SHC3: variants seen among roughly 807,000 people sequenced by gnomAD.
SHC3 encodes the protein SHC adaptor protein 3.
Under a neutral mutation model 60.4 loss-of-function variants are expected in SHC3, and 15 were observed. The ratio of observed to expected loss-of-function variants is 0.25; its 90% CI spans 0.17 to 0.38. The LOEUF (loss-of-function observed/expected upper bound fraction) is 0.38. Among genes scored for constraint, SHC3 ranks in the 10% least tolerant of loss-of-function variants. SHC3 has a pLI of 1.00. For missense variants in SHC3, 677 were observed against 786.1 expected, an observed-to-expected ratio of 0.86 and a Z score of 1.66; for synonymous variants, 294 against 325.9, an observed-to-expected ratio of 0.90 and a Z score of 1.05.
chr9:89,159,008 T>C (rs1484526049), intron 1 of SHC3, among the ~76,000 whole-genome samples: 2 of 152,148 alleles, frequency 1.3e-5, no homozygotes, highest in African/African-American at 4.8e-5. Context: ...CCATAGCATA[T>C]AGTAGGGGGT....
At position 89,037,988 on chromosome 9, in the gene SHC3, C is replaced by T. The variant is rs753323815; in HGVS notation, c.1656+5G>A. 1 of 1,604,680 alleles carries T rather than the reference C, an allele frequency of 6.2e-7. No homozygotes were observed. The highest frequency in any genetic ancestry group is 8.5e-7 in the Non-Finnish European group (1 of 1,179,358). On this transcript the variant is annotated splice_donor_5th_base_variant and intron_variant, in intron 11 of 11. Coordinates refer to ENST00000375835, the MANE Select transcript of SHC3 (RefSeq NM_016848.6). ...GGTCCGGCCCCACCCCCACTGGGTG[C>T]TCACCGTGCCTTCTGGGTCCACGAG...
rs576666462 is a variant in SHC3 at position 89,127,250 on chromosome 9, G to A, written c.475-14624C>T. Among the ~76,000 whole-genome samples the A allele has an allele frequency of 2.0e-4, 30 of 152,190 alleles. No homozygotes were observed. The South Asian group carries it at 6.0e-3, about 31-fold the overall frequency. On this transcript the variant is annotated intron_variant, in intron 1 of 11. Transcript: ENST00000375835. Reference sequence around the variant, plus strand: ...TCCCCTCCATGATGAACAACTTCTGGCTTCCCTTATTGAATTTTTCCTTTC... The same window carrying A: ...TCCCCTCCATGATGAACAACTTCTGACTTCCCTTATTGAATTTTTCCTTTC...
At position 89,026,739 on chromosome 9, in the gene SHC3, C is replaced by T. The variant is rs539892727; in HGVS notation, c.1656+11254G>A. 5.3e-5 allele frequency among the ~76,000 whole-genome samples: 8 copies of T among 152,342 alleles called. No homozygotes were observed. In the South Asian group the frequency reaches 1.7e-3, roughly 32 times the overall value. On this transcript the variant is annotated intron_variant, in intron 11 of 11. Transcript: ENST00000375835. ...ACCCTGTCCGCCCAGGGCTTACATG[C>T]CCACAAGCAACCCCTTTGCCTGGGC...
chr9:89,018,501 G>A (rs911150342), intron 11 of SHC3, among the ~76,000 whole-genome samples: 9 of 152,098 alleles, frequency 5.9e-5, no homozygotes, highest in Non-Finnish European at 1.5e-5. Context: ...GGGGGTGGGG[G>A]GCTAGGGATA....
At chr9:89,028,601 A>T (rs1824412460) in intron 11 of SHC3, among the ~76,000 whole-genome samples, 1 of 139,744 alleles carries the variant, frequency 7.2e-6, no homozygotes, top group African/African-American at 3.0e-5. Context: ...GTTTATGTGT[A>T]TATATATGCT....
At chr9:89,035,715 G>C (rs1220406283) in intron 11 of SHC3, among the ~76,000 whole-genome samples, 1 of 151,862 alleles carries the variant, frequency 6.6e-6, no homozygotes, top group Non-Finnish European at 1.5e-5. Context: ...CCAGCTCTTT[G>C]AGAGGTTAAG....
rs571015046 is a variant in SHC3 at position 89,096,703 on chromosome 9, A to G, written c.545+15853T>C. ...AGGTTAGCGTAGCGCAGCTGTTTTAACCCCCAGCGGACATTTGGCAAAGTC... is the reference window on the plus strand; with the variant it reads ...AGGTTAGCGTAGCGCAGCTGTTTTAGCCCCCAGCGGACATTTGGCAAAGTC... On this transcript the variant is annotated intron_variant, in intron 2 of 11. Coordinates refer to ENST00000375835, the MANE Select transcript of SHC3 (RefSeq NM_016848.6). 7.9e-5 allele frequency among the ~76,000 whole-genome samples: 12 copies of G among 152,234 alleles called. No homozygotes were observed. The East Asian group carries it at 2.3e-3, about 29-fold the overall frequency.
chr9:89,168,825 A>C (rs1826827433), intron 1 of SHC3, among the ~76,000 whole-genome samples: 1 of 152,182 alleles, frequency 6.6e-6, no homozygotes, highest in Admixed American at 6.5e-5. Context: ...GCCCTTGTCC[A>C]ATCAGTTGAG....
chr9:89,143,142 G>A (rs931879417), intron 1 of SHC3, among the ~76,000 whole-genome samples: 1 of 152,164 alleles, frequency 6.6e-6, no homozygotes, highest in Non-Finnish European at 1.5e-5. Context: ...AGCCCCAAAG[G>A]GTGCTGGTTG....
At chr9:89,094,199 G>T (rs1825667582) in intron 2 of SHC3, among the ~76,000 whole-genome samples, 1 of 152,122 alleles carries the variant, frequency 6.6e-6, no homozygotes, top group Non-Finnish European at 1.5e-5. Flanking sequence ...AAAACACGAG[G>T]CAGCAGGCTT....
intron 2 of SHC3, among the ~76,000 whole-genome samples, chr9:89,105,174 C>G (rs941751781): frequency 1.3e-5 from 2 of 152,162 alleles, no homozygotes; most frequent in Admixed American, 1.3e-4. Flanking sequence ...TGTAATGATG[C>G]CCCTCTGTAC....
intron 11 of SHC3, among the ~76,000 whole-genome samples, chr9:89,015,722 A>G (rs914908930): frequency 2.6e-5 from 4 of 152,234 alleles, no homozygotes; most frequent in African/African-American, 9.6e-5. Context: ...ACCACTGGGC[A>G]GCCAGGACAA....
At position 89,042,121 on chromosome 9, in the gene SHC3, G is replaced by T; in HGVS notation, c.1265C>A (p.Pro422His). Residue 422 changes from proline to histidine, a missense_variant, in exon 10 of 12, where the codon CCC (proline) becomes CAC (histidine). Pro to His is a moderately conservative substitution (Grantham distance 77). Transcript: ENST00000375835. ...GATCTGCTGAGTGTTGACGTAGGTG[G>T]GTGCTTCTCCCGTGGGGGCCACGTG... ...KLHVAPTGEA[P>H]TYVNTQQIPP... The T allele has an allele frequency of 6.3e-7, 1 of 1,581,524 alleles. No homozygotes were observed. The highest frequency in any genetic ancestry group is 8.5e-7 in the Non-Finnish European group (1 of 1,169,682).
intron 10 of SHC3, among the ~76,000 whole-genome samples, chr9:89,041,004 G>A (rs780478196): frequency 7.9e-5 from 12 of 152,118 alleles, no homozygotes; most frequent in East Asian, 1.9e-4. Context: ...AGGATTCTTC[G>A]TTTCCTTCTC....
intron 2 of SHC3, among the ~76,000 whole-genome samples, chr9:89,086,022 A>C (rs1029006417): frequency 1.3e-5 from 2 of 152,234 alleles, no homozygotes; most frequent in African/African-American, 2.4e-5. Flanking sequence ...TAAATGACAC[A>C]TCTATGAATC....
rs150067332 is a variant in SHC3, at chr9:89,178,357, G to A, written c.104C>T (p.Ser35Leu). 2.5e-5 allele frequency: 40 copies of A among 1,593,658 alleles called. 1 individual carries two copies. The highest frequency in any genetic ancestry group is 5.6e-5 in the South Asian group (5 of 88,738). Reference sequence around the variant, plus strand: ...CGCCGCCGGGGTCGCGCGCGCCGCCGAAACCTTGCCTCCGCCGCCGCTCAC... The same window carrying A: ...CGCCGCCGGGGTCGCGCGCGCCGCCAAAACCTTGCCTCCGCCGCCGCTCAC... Reference protein sequence around the residue: ...LSVSGGGGKVSAARATPAAAP... With the variant: ...LSVSGGGGKVLAARATPAAAP... Residue 35 changes from serine to leucine, a missense_variant, in exon 1 of 12, where the codon TCG becomes TTG. By Grantham distance (145) the Ser-to-Leu change is moderately radical. Transcript: ENST00000375835. This position sits in a 1 kb window ranked among gnomAD's most constrained non-coding sequence, Gnocchi z 6.9.
chr9:89,077,502 G>A (rs1282186780), intron 3 of SHC3, among the ~76,000 whole-genome samples: 2 of 152,136 alleles, frequency 1.3e-5, no homozygotes, highest in Non-Finnish European at 2.9e-5. Flanking sequence ...ACACCACTGG[G>A]GATATCTAAC....
At position 89,007,375 on chromosome 9, in the gene SHC3, TA is replaced by T. The variant is rs926282664; in HGVS notation, c.*6071del. Reference sequence around the variant, plus strand: ...ACTTTACTTGGACACACGGGTACCTTAAGGCTTGTCACACTCCAACACCTTT... The same window carrying T: ...ACTTTACTTGGACACACGGGTACCTTAGGCTTGTCACACTCCAACACCTTT... On this transcript the variant is annotated 3_prime_UTR_variant, in exon 12 of 12. Transcript: ENST00000375835. 2 of 152,258 alleles carry T rather than the reference TA, an allele frequency of 1.3e-5. No homozygotes were observed. The highest frequency in any genetic ancestry group is 2.9e-5 in the Non-Finnish European group (2 of 68,058). The allele number at this position is 152,258 out of a possible 1,614,324, so 9.4% of individuals were successfully genotyped here. A position where few individuals can be genotyped will look rare whatever the true frequency, so the allele number is the denominator to read the frequency against.
chr9:89,075,863 A>C (rs1825350131), intron 3 of SHC3, among the ~76,000 whole-genome samples: 1 of 152,126 alleles, frequency 6.6e-6, no homozygotes, highest in African/African-American at 2.4e-5. Flanking sequence ...ACCCTGTCAG[A>C]AATGTCCTTA....
Sources: allele counts gnomAD v4.1 joint callset (sites outside exome capture counted in the v4.1 genomes callset), GRCh38; gene constraint gnomAD v4.1.1; non-coding constraint Gnocchi (gnomAD v3.1); transcripts MANE v1.5; gene names NCBI Gene and HGNC (gene_info 2026-07-23, HGNC 2026-07-21).